Variants in ABCA8 observed in about 807,000 individuals in gnomAD.
The protein encoded by ABCA8 is ATP binding cassette subfamily A member 8.
A neutral mutation model predicts 192.3 loss-of-function variants in ABCA8; 177 were observed. The observed-to-expected ratio is 0.92, with a 90% CI of 0.81 to 1.04. The LOEUF (loss-of-function observed/expected upper bound fraction) is 1.04. Ranked by LOEUF, ABCA8 falls within the 50% of genes least tolerant of loss-of-function variation. The pLI is 0.00. For missense variants in ABCA8, 1,915 were observed against 1,904.8 expected, an observed-to-expected ratio of 1.01 and a Z score of -0.10; for synonymous variants, 642 against 690.2, an observed-to-expected ratio of 0.93 and a Z score of 1.09.
chr17:68,876,638 A>T lies in ABCA8; in HGVS notation c.4265T>A (p.Ile1422Lys), dbSNP rs1356952119. ...KSPVKTLSEG[I>K]KRKLCFVLSI... ...AAGCCCTGCCCGTACCTTTCTCTTT[A>T]TTCCCTCTGACAAGGTCTTCACGGG... Residue 1422 changes from isoleucine (I) to lysine (K), a missense_variant, in exon 34 of 40, where the codon ATA becomes AAA. Transcript: ENST00000586539. 1 of 1,614,170 alleles carries T rather than the reference A, an allele frequency of 6.2e-7. No individual in the cohort carries two copies. Among genetic ancestry groups the T allele is most frequent in the Non-Finnish European group, 8.5e-7 (1 of 1,180,022 alleles).
At chr17:68,908,337 A>G (rs1199383059) in intron 17 of ABCA8, among the ~76,000 whole-genome samples, 1 of 152,226 alleles carries the variant, frequency 6.6e-6, no homozygotes, top group African/African-American at 2.4e-5. Flanking sequence ...TATAGATGCC[A>G]AACAGTTTCA....
intron 11 of ABCA8, among the ~76,000 whole-genome samples, chr17:68,924,155 T>C (rs923883530): frequency 2.0e-5 from 3 of 152,132 alleles, no homozygotes; most frequent in African/African-American, 7.2e-5. Context: ...AAGACCAGCC[T>C]GACCAACATG....
intron 21 of ABCA8, among the ~76,000 whole-genome samples, chr17:68,898,671 AATATTT>A (rs1209220371): frequency 1.3e-5 from 2 of 152,166 alleles, no homozygotes; most frequent in Non-Finnish European, 2.9e-5. Context: ...AGACATGTAA[AATATTT>A]GAAAACAATG....
At chr17:68,948,074 C>A (rs2068463107) in intron 2 of ABCA8, among the ~76,000 whole-genome samples, 1 of 152,216 alleles carries the variant, frequency 6.6e-6, no homozygotes, top group African/African-American at 2.4e-5. Flanking sequence ...AGGACATGAT[C>A]TCATTCTTTT....
intron 17 of ABCA8, among the ~76,000 whole-genome samples, 175 bp from the exon 18 acceptor site, chr17:68,908,054 A>C (rs534983954): frequency 2.0e-5 from 3 of 152,326 alleles, no homozygotes; most frequent in East Asian, 3.9e-4. Context: ...GAGGACAAAA[A>C]CCCAGCCAAA....
In ABCA8 at chr17:68,907,748, T is replaced by G. The variant is rs2067113801; in HGVS notation, c.2270A>C (p.Lys757Thr). The G allele has an allele frequency of 2.5e-6, 4 of 1,585,762 alleles. No homozygotes were observed. The highest frequency in any genetic ancestry group is 3.4e-6 in the Non-Finnish European group (4 of 1,170,428). ...GTGTTCATGCACATTACCTGGAAATTTATTTGTTCTTTCTAAGGGTAATGT... is the reference window on the plus strand; with the variant it reads ...GTGTTCATGCACATTACCTGGAAATGTATTTGTTCTTTCTAAGGGTAATGT... ...IYTLPLERTN[K>T]FPELYKDLDS... is the part of the protein sequence containing the mutation. Residue 757 changes from lysine to threonine, a missense_variant, in exon 18 of 40, where the codon AAA becomes ACA. Transcript: ENST00000586539.
chr17:68,941,679 T>C (rs768483082), intron 3 of ABCA8, among the ~76,000 whole-genome samples: 1 of 152,190 alleles, frequency 6.6e-6, no homozygotes, highest in African/African-American at 2.4e-5. Context: ...AATGTGACCA[T>C]TGGCTTTTAA....
chr17:68,895,035 T>C (rs1326530903), intron 21 of ABCA8, 22 bp from the exon 22 acceptor site: 1 of 1,559,902 alleles, frequency 6.4e-7, no homozygotes, highest in East Asian at 2.3e-5. Flanking sequence ...TTAAAGATAT[T>C]AGGTATCACA....
At chr17:68,954,045 T>C (rs1598307247) in intron 1 of ABCA8, among the ~76,000 whole-genome samples, 1 of 150,318 alleles carries the variant, frequency 6.7e-6, no homozygotes, top group East Asian at 2.0e-4. Flanking sequence ...TTTTTCGTTT[T>C]ATTATTATAC....
chr17:68,954,609 G>A (rs957484805), intron 1 of ABCA8, among the ~76,000 whole-genome samples: 1 of 152,078 alleles, frequency 6.6e-6, no homozygotes, highest in African/African-American at 2.4e-5. Context: ...TTTTACCAAT[G>A]TACATTTTAA....
Position 68,929,149 on chromosome 17 carries a change from C to T in ABCA8, c.1025G>A (p.Gly342Glu), listed in dbSNP as rs772894633. ...GTACAGTGATGTGAACCCCAGACAC[C>T]CCCAAAAGACAGTGAGGAGGAACAC... Reference protein sequence around the residue: ...LVVFLLTVFWGCLGFTSLYRH... With the variant: ...LVVFLLTVFWECLGFTSLYRH... The change falls in exon 9 of 40, where the codon GGG (glycine) becomes GAG (glutamate). Residue 342 changes from glycine (G) to glutamate (E), a missense_variant. Physicochemically the swap from Gly to Glu is moderately conservative, Grantham distance 98 (BLOSUM62 -2). Transcript: ENST00000586539. 2.1e-5 allele frequency: 34 copies of T among 1,611,208 alleles called. No individual in the cohort carries two copies. In the Admixed American group the frequency reaches 5.3e-4, roughly 25 times the overall value.
intron 1 of ABCA8, among the ~76,000 whole-genome samples, chr17:68,954,379 G>C (rs1299108077): frequency 6.6e-6 from 1 of 152,062 alleles, no homozygotes; most frequent in Non-Finnish European, 1.5e-5. Context: ...ACTCCAGTCT[G>C]ACTCCAATCC....
Position 68,927,931 on chromosome 17 carries a change from C to T in ABCA8, c.1258G>A (p.Glu420Lys). 2 of 1,594,552 alleles carry T rather than the reference C, an allele frequency of 1.3e-6. No individual in the cohort carries two copies. The highest frequency in any genetic ancestry group is 8.5e-7 in the Non-Finnish European group (1 of 1,173,726). Residue 420 changes from glutamate to lysine, a missense_variant, in exon 10 of 40, where the codon GAA becomes AAA. Glu to Lys is a moderately conservative substitution (Grantham distance 56). Coordinates refer to ENST00000586539, the MANE Select transcript of ABCA8 (RefSeq NM_001288985.2). ...CATTACTCACTTGGCAAAATTTTTT[C>T]AAAGTAAATCGCCAATGCCAGATAG... Reference protein sequence around the residue: ...CLYLALAIYFEKILPNEYGHR... With the variant: ...CLYLALAIYFKKILPNEYGHR...
intron 17 of ABCA8, among the ~76,000 whole-genome samples, chr17:68,908,183 T>C (rs906141768): frequency 1.3e-5 from 2 of 152,142 alleles, no homozygotes; most frequent in African/African-American, 2.4e-5. Flanking sequence ...GAGAGGGTGG[T>C]CACAGAGTGG....
At chr17:68,881,341 A>AAGTTGTT in intron 31 of ABCA8, 130 bp from the exon 32 acceptor site, 1 of 676,996 alleles carries the variant, frequency 1.5e-6, no homozygotes, top group Non-Finnish European at 2.5e-6. Context: ...CCACCCTGAG[A>AAGTTGTT]AGTTGTTATT....
chr17:68,942,047 AATG>A lies in ABCA8; in HGVS notation c.-5-11_-5-9del. 6.3e-7 allele frequency: 1 copy of A among 1,576,846 alleles called. No individual in the cohort carries two copies. Among genetic ancestry groups the A allele is most frequent in the South Asian group, 1.1e-5 (1 of 87,040 alleles). On this transcript the variant is annotated splice_polypyrimidine_tract_variant and intron_variant, in intron 2 of 39. Coordinates refer to ENST00000586539, the MANE Select transcript of ABCA8 (RefSeq NM_001288985.2). ...TTCTCTTCCTCATCTTGTCTTGTTT[AATG>A]AAAAAGAAAGAAGATAAAATTAATA...
intron 17 of ABCA8, among the ~76,000 whole-genome samples, chr17:68,916,519 C>A (rs879000800): frequency 6.6e-6 from 1 of 151,712 alleles, no homozygotes; most frequent in African/African-American, 2.4e-5. Context: ...TACTATATAC[C>A]CTTTAAAATT....
At chr17:68,913,369 G>A (rs2067270854) in intron 17 of ABCA8, among the ~76,000 whole-genome samples, 1 of 151,310 alleles carries the variant, frequency 6.6e-6, no homozygotes, top group Non-Finnish European at 1.5e-5. Context: ...AAAACCAAAA[G>A]TCGTAGAATA....
chr17:68,912,243 T>C (rs1261380654), intron 17 of ABCA8, among the ~76,000 whole-genome samples: 1 of 152,082 alleles, frequency 6.6e-6, no homozygotes, highest in Non-Finnish European at 1.5e-5. Context: ...CAGAATCTTA[T>C]CAGATAAATT....
Sources: gnomAD v4.1 joint callset for allele counts (sites outside exome capture counted in the v4.1 genomes callset) on GRCh38, gnomAD v4.1.1 for gene constraint, MANE v1.5 for transcripts, NCBI Gene and HGNC (gene_info 2026-07-23, HGNC 2026-07-21) for gene names.